MGAT1: variants seen among roughly 807,000 people sequenced by gnomAD.
The protein encoded by MGAT1 is alpha-1,3-mannosyl-glycoprotein 2-beta-N-acetylglucosaminyltransferase, also known as N-glycosyl-oligosaccharide-glycoprotein N-acetylglucosaminyltransferase I.
In MGAT1, 14 loss-of-function variants were observed where a neutral mutation model predicts 31.7. The ratio of observed to expected loss-of-function variants is 0.44; its 90% CI spans 0.29 to 0.69. The LOEUF is 0.69. MGAT1 is among the 30% of genes least tolerant of loss of function. The pLI, the probability that MGAT1 is intolerant of heterozygous loss-of-function variation, is 0.12. For synonymous variants in MGAT1, 338 were observed against 276.0 expected, an observed-to-expected ratio of 1.22 and a Z score of -2.23; for missense variants, 557 against 626.0, an observed-to-expected ratio of 0.89 and a Z score of 1.18.
rs761737308 is a variant in MGAT1, at chr5:180,791,983, T to C, written c.989A>G (p.Lys330Arg). 23 of 1,614,064 alleles carry C rather than the reference T, an allele frequency of 1.4e-5. No homozygotes were observed. In the Admixed American group the frequency reaches 2.7e-4, roughly 19 times the overall value. Residue 330 changes from lysine to arginine, a missense_variant, in exon 2 of 2, where the codon AAG becomes AGG. Lys to Arg is a conservative substitution (Grantham distance 26). Coordinates refer to ENST00000307826, the MANE Select transcript of MGAT1 (RefSeq NM_002406.4). Reference protein sequence around the residue: ...SHGQFFDQHLKFIKLNQQFVH... With the variant: ...SHGQFFDQHLRFIKLNQQFVH... Reference sequence around the variant, plus strand: ...AAACTGCTGGTTCAGCTTGATAAACTTGAGGTGCTGGTCAAAGAACTGCCC... The same window carrying C: ...AAACTGCTGGTTCAGCTTGATAAACCTGAGGTGCTGGTCAAAGAACTGCCC...
chr5:180,792,789 G>T lies in MGAT1; in HGVS notation c.183C>A (p.Ala61=), dbSNP rs372096364. 1 of 1,552,142 alleles carries T rather than the reference G, an allele frequency of 6.4e-7. No homozygotes were observed. Among genetic ancestry groups the T allele is most frequent in the Admixed American group, 2.0e-5 (1 of 51,068 alleles). Residue 61 remains alanine, a synonymous_variant, in exon 2 of 2, where the codon GCC becomes GCA. Transcript: ENST00000307826. ...CACGCTGCCGCTCCAGCTCCACCTC[G>T]GCGTCTTGGGCCAGGCGAATCACTT... ...TREVIRLAQD[A]EVELERQRGL...
At chr5:180,801,940 C>T (rs1450725646) in intron 1 of MGAT1, among the ~76,000 whole-genome samples, 1 of 152,222 alleles carries the variant, frequency 6.6e-6, no homozygotes, top group Non-Finnish European at 1.5e-5. Context: ...GCAGTGATTG[C>T]TGATGGAAGG....
chr5:180,792,441 G>T lies in MGAT1; in HGVS notation c.531C>A (p.Arg177=), dbSNP rs1429223396. 1.9e-6 allele frequency: 3 copies of T among 1,612,148 alleles called. No individual in the cohort carries two copies. The East Asian group carries it at 6.7e-5, about 36-fold the overall frequency. ...CGATCTTGTAGTAGCCCTGGAACTTGCGGTGGTCCGGCGGCACCGCAATGC... is the reference window on the plus strand; with the variant it reads ...CGATCTTGTAGTAGCCCTGGAACTTTCGGTGGTCCGGCGGCACCGCAATGC... ...LSSIAVPPDH[R]KFQGYYKIAR... The change falls in exon 2 of 2, where the codon CGC becomes CGA. Residue 177 remains arginine, a synonymous_variant. Transcript: ENST00000307826.
chr5:180,799,652 T>C (rs778516922), intron 1 of MGAT1, among the ~76,000 whole-genome samples: 2 of 152,200 alleles, frequency 1.3e-5, no homozygotes, highest in East Asian at 3.8e-4. Flanking sequence ...GGGAGAAAGA[T>C]GGCCAACGCA....
intron 1 of MGAT1, among the ~76,000 whole-genome samples, chr5:180,793,905 G>C (rs1768777531): frequency 6.6e-6 from 1 of 152,056 alleles, no homozygotes; most frequent in Non-Finnish European, 1.5e-5. Flanking sequence ...ATTCCTGAAA[G>C]ACACAAAAGA....
chr5:180,796,011 A>T (rs1242180595), intron 1 of MGAT1: 1 of 117,512 alleles, frequency 8.5e-6, no homozygotes, highest in Non-Finnish European at 1.8e-5. Flanking sequence ...CCAGACCATA[A>T]CTCCTTGACT....
Position 180,792,261 on chromosome 5 carries a change from G to A in MGAT1, c.711C>T (p.Cys237=), listed in dbSNP as rs199838870. 3 of 1,612,972 alleles carry A rather than the reference G, an allele frequency of 1.9e-6. No homozygotes were observed. Among genetic ancestry groups the A allele is most frequent in the Middle Eastern group, 1.6e-4 (1 of 6,062 alleles). ...PLLKADPSLW[C]VSAWNDNGKE... ...TGCCGTTGTCATTCCAGGCCGAGAC[G>A]CACCACAGGGAGGGGTCGGCCTTCA... The change falls in exon 2 of 2, where the codon TGC becomes TGT. Residue 237 remains cysteine, a synonymous_variant. Coordinates refer to ENST00000307826, the MANE Select transcript of MGAT1 (RefSeq NM_002406.4).
Position 180,786,974 on chromosome 5 carries a change from T to C in MGAT1, c.*4660A>G. ...TATCAACTGCCCCCGCTCTGCCCGCTCCAGACACATGTGGAGGGGGATTAA... is the reference window on the plus strand; with the variant it reads ...TATCAACTGCCCCCGCTCTGCCCGCCCCAGACACATGTGGAGGGGGATTAA... On this transcript the variant is annotated 3_prime_UTR_variant, in exon 2 of 2. Coordinates refer to ENST00000307826, the MANE Select transcript of MGAT1 (RefSeq NM_002406.4). 6.6e-6 allele frequency: 1 copy of C among 152,286 alleles called. No individual in the cohort carries two copies. The highest frequency in any genetic ancestry group is 1.5e-5 in the Non-Finnish European group (1 of 68,072). The allele number at this position is 152,286 out of a possible 1,614,324, so 9.4% of individuals were successfully genotyped here.
intron 1 of MGAT1, chr5:180,810,975 C>G (rs1772518700): frequency 6.6e-6 from 1 of 152,250 alleles, no homozygotes; most frequent in South Asian, 2.1e-4. Flanking sequence ...CGCGGCCCTT[C>G]CCGTCGTGCC....
chr5:180,814,562 G>A (rs1393496881), intron 1 of MGAT1, among the ~76,000 whole-genome samples: 2 of 152,082 alleles, frequency 1.3e-5, no homozygotes, highest in African/African-American at 2.4e-5. Context: ...ACTTTCTTTC[G>A]AGATGATCCC....
rs1440485592 is a variant in MGAT1 at position 180,792,943 on chromosome 5, A to G, written c.29T>C (p.Val10Ala). Residue 10 changes from valine (V) to alanine (A), a missense_variant, in exon 2 of 2, where the codon GTG becomes GCG. Physicochemically the swap from Val to Ala is moderately conservative, Grantham distance 64. Transcript: ENST00000307826. ...CACAAAGAGGATAGCGCCCCACAGC[A>G]CAAGCCCTGCAGACTGCTTCTTCAG... Reference protein sequence around the residue: MLKKQSAGLVLWGAILFVAW... With the variant: MLKKQSAGLALWGAILFVAW... 26 of 1,613,318 alleles carry G rather than the reference A, an allele frequency of 1.6e-5. No homozygotes were observed. Among genetic ancestry groups the G allele is most frequent in the Non-Finnish European group, 2.1e-5 (25 of 1,179,932 alleles).
chr5:180,805,971 G>A (rs538911190), upstream of MGAT1, among the ~76,000 whole-genome samples: 19 of 152,154 alleles, frequency 1.2e-4, no homozygotes, highest in East Asian at 3.5e-3. Context: ...AATAAAGAAG[G>A]ATATAAATAA....
upstream of MGAT1, among the ~76,000 whole-genome samples, chr5:180,806,364 C>T (rs1325967994): frequency 1.3e-5 from 2 of 152,190 alleles, no homozygotes; most frequent in African/African-American, 2.4e-5. Flanking sequence ...GAGTGCTATG[C>T]CTTGGCATCC....
In MGAT1 at chr5:180,785,365, TTG is replaced by T. The variant is rs1266316667; in HGVS notation, c.*6267_*6268del. On this transcript the variant is annotated 3_prime_UTR_variant, in exon 2 of 2. Coordinates refer to ENST00000307826, the MANE Select transcript of MGAT1 (RefSeq NM_002406.4). ...ATACCCGTTTCACATTGCCCACCAT[TTG>T]TGAGTCAGAAATTCAGGCAGCCCTC... 1 of 152,230 alleles carries T rather than the reference TTG, an allele frequency of 6.6e-6. No individual in the cohort carries two copies. Among genetic ancestry groups the T allele is most frequent in the Non-Finnish European group, 1.5e-5 (1 of 68,050 alleles). The allele number at this position is 152,230 out of a possible 1,614,324, so 9.4% of individuals were successfully genotyped here.
chr5:180,788,029 C>T lies in MGAT1; in HGVS notation c.*3605G>A. ...ACAGCTGGAGGCAGAAGCAGGAATG[C>T]AGCAGCAGCAGCAGCCAGGCGCAAG... On this transcript the variant is annotated 3_prime_UTR_variant, in exon 2 of 2. Transcript: ENST00000307826. The T allele has an allele frequency of 7.7e-6, 1 of 129,988 alleles. No homozygotes were observed. The highest frequency in any genetic ancestry group is 1.6e-5 in the Non-Finnish European group (1 of 63,902). The allele number at this position is 129,988 out of a possible 1,614,324, so 8.1% of individuals were successfully genotyped here. A position where few individuals can be genotyped will look rare whatever the true frequency, so the allele number is the denominator to read the frequency against.
upstream of MGAT1, among the ~76,000 whole-genome samples, chr5:180,806,724 G>A (rs1299155622): frequency 3.3e-5 from 5 of 152,206 alleles, no homozygotes; most frequent in Non-Finnish European, 7.3e-5. Context: ...TCACAACAAA[G>A]TGGTGAGGGA....
intron 1 of MGAT1, chr5:180,809,423 C>G (rs1260367795): frequency 6.6e-6 from 1 of 152,160 alleles, no homozygotes; most frequent in Non-Finnish European, 1.5e-5. Context: ...AAAGAACGCC[C>G]TTTCTCCTGC....
chr5:180,811,946 C>T (rs1348339916), intron 1 of MGAT1, among the ~76,000 whole-genome samples: 2 of 152,188 alleles, frequency 1.3e-5, no homozygotes, highest in Non-Finnish European at 2.9e-5. Flanking sequence ...AATCTTTCCT[C>T]CCATGTCACC....
chr5:180,797,406 C>CAAAAAA (rs929442972), intron 1 of MGAT1, among the ~76,000 whole-genome samples: 8 of 52,316 alleles, frequency 1.5e-4, no homozygotes, highest in African/African-American at 4.4e-4. Context: ...CATCCCCCAC[C>CAAAAAA]AAAAAAAAAA....
Sources: gnomAD v4.1 joint callset for allele counts (sites outside exome capture counted in the v4.1 genomes callset) on GRCh38, gnomAD v4.1.1 for gene constraint, MANE v1.5 for transcripts, NCBI Gene and HGNC (gene_info 2026-07-23, HGNC 2026-07-21) for gene names.